NKAIN3: variants seen among roughly 807,000 people sequenced by gnomAD.
The protein encoded by NKAIN3 is sodium/potassium transporting ATPase interacting 3, also known as sodium/potassium-transporting ATPase subunit beta-1-interacting protein 3.
Under a neutral mutation model 30.2 loss-of-function variants are expected in NKAIN3, and 25 were observed. The ratio of observed to expected loss-of-function variants is 0.83; its 90% confidence interval spans 0.60 to 1.16. The LOEUF (loss-of-function observed/expected upper bound fraction) is 1.16. Ranked by LOEUF, NKAIN3 falls within the 50% of genes most tolerant of loss-of-function variation. The pLI is 0.00. For missense variants in NKAIN3, 225 were observed against 254.1 expected (o/e 0.89, Z 0.78); for synonymous variants, 91 against 89.6 (o/e 1.02, Z -0.09).
intron 4 of NKAIN3, among the ~76,000 whole-genome samples, chr8:62,827,298 A>C (rs938426787): frequency 6.6e-6 from 1 of 152,220 alleles, no homozygotes; most frequent in Non-Finnish European, 1.5e-5. Flanking sequence ...ACTGGAAGTA[A>C]GGACTTCCAT....
intron 4 of NKAIN3, among the ~76,000 whole-genome samples, chr8:62,842,342 A>G (rs1819557399): frequency 6.6e-6 from 1 of 152,146 alleles, no homozygotes; most frequent in Admixed American, 6.5e-5. Context: ...ACTATAAAAC[A>G]CTGATGAATG....
At chr8:62,670,702 T>C (rs1490786690) in intron 3 of NKAIN3, among the ~76,000 whole-genome samples, 1 of 152,088 alleles carries the variant, frequency 6.6e-6, no homozygotes, top group Non-Finnish European at 1.5e-5. Context: ...GTTCTTTCCT[T>C]CCTGAGTAAG....
At chr8:62,624,338 G>C (rs1453656406) in intron 3 of NKAIN3, among the ~76,000 whole-genome samples, 1 of 151,792 alleles carries the variant, frequency 6.6e-6, no homozygotes, top group Non-Finnish European at 1.5e-5. Context: ...AGATGGAGTT[G>C]CTGTGGTTCA....
intron 3 of NKAIN3, among the ~76,000 whole-genome samples, chr8:62,736,959 G>C (rs1815693612): frequency 6.6e-6 from 1 of 152,094 alleles, no homozygotes; most frequent in Non-Finnish European, 1.5e-5. Context: ...ATTCTCCCAT[G>C]ATCTGGACCT....
At chr8:62,329,820 T>C (rs1343933012) in intron 1 of NKAIN3, among the ~76,000 whole-genome samples, 1 of 152,104 alleles carries the variant, frequency 6.6e-6, no homozygotes, top group Non-Finnish European at 1.5e-5. Flanking sequence ...TGTGTCTTTA[T>C]GAGAGAATGA....
chr8:62,295,023 A>T (rs1813782066), intron 1 of NKAIN3, among the ~76,000 whole-genome samples: 1 of 152,052 alleles, frequency 6.6e-6, no homozygotes, highest in African/African-American at 2.4e-5. Context: ...GGATACTTGG[A>T]TCATTTTTTC....
At chr8:62,875,203 C>G (rs1260362573) in intron 4 of NKAIN3, among the ~76,000 whole-genome samples, 1 of 152,128 alleles carries the variant, frequency 6.6e-6, no homozygotes, top group Admixed American at 6.6e-5. Flanking sequence ...AGAGCCAAAT[C>G]ATGAGTGAAC....
chr8:62,565,476 A>T (rs1451666411), intron 1 of NKAIN3, among the ~76,000 whole-genome samples: 1 of 151,990 alleles, frequency 6.6e-6, no homozygotes, highest in Non-Finnish European at 1.5e-5. Flanking sequence ...TATTTTCCTG[A>T]TTTTACAGAG....
chr8:62,642,732 T>A (rs1171888825), intron 3 of NKAIN3, among the ~76,000 whole-genome samples: 1 of 152,114 alleles, frequency 6.6e-6, no homozygotes, highest in African/African-American at 2.4e-5. Flanking sequence ...AGTAGGTAGT[T>A]TACTTTGTCC....
chr8:62,687,537 T>A (rs1813837747), intron 3 of NKAIN3, among the ~76,000 whole-genome samples: 2 of 152,274 alleles, frequency 1.3e-5, no homozygotes, highest in Middle Eastern at 3.4e-3. Flanking sequence ...TACTCAGGAT[T>A]TTACCTGAAA....
chr8:62,659,306 A>T (rs775285513), intron 3 of NKAIN3, among the ~76,000 whole-genome samples: 1 of 152,178 alleles, frequency 6.6e-6, no homozygotes, highest in Non-Finnish European at 1.5e-5. Flanking sequence ...GGCTCTAGCA[A>T]TGGGAGGGTA....
chr8:62,269,088 TGTC>T (rs1170894749), intron 1 of NKAIN3, among the ~76,000 whole-genome samples: 1 of 152,230 alleles, frequency 6.6e-6, no homozygotes, highest in African/African-American at 2.4e-5. Flanking sequence ...ACCCTGCTGT[TGTC>T]TTGAGTTTGG....
At chr8:62,532,924 C>T (rs12543792) in intron 1 of NKAIN3, among the ~76,000 whole-genome samples, 1 of 152,160 alleles carries the variant, frequency 6.6e-6, no homozygotes. Context: ...TATTTTGGAC[C>T]TAGTACATAT....
At chr8:62,707,767 T>A (rs974216149) in intron 3 of NKAIN3, among the ~76,000 whole-genome samples, 1 of 152,194 alleles carries the variant, frequency 6.6e-6, no homozygotes, top group Non-Finnish European at 1.5e-5. Flanking sequence ...TTGATGCATT[T>A]GCTTTTGGGT....
At chr8:62,284,791 A>C (rs184998962) in intron 1 of NKAIN3, among the ~76,000 whole-genome samples, 12 of 152,158 alleles carry the variant, frequency 7.9e-5, no homozygotes, top group East Asian at 5.8e-4. Flanking sequence ...GCAAAAAAAA[A>C]CTCTGAAAAC....
chr8:62,708,810 G>A (rs1243420497), intron 3 of NKAIN3, among the ~76,000 whole-genome samples: 1 of 152,172 alleles, frequency 6.6e-6, no homozygotes, highest in Non-Finnish European at 1.5e-5. Context: ...AGTTCCCAGA[G>A]GGAATGCTTT....
chr8:62,563,159 T>G (rs1809641953), intron 1 of NKAIN3, among the ~76,000 whole-genome samples: 1 of 152,184 alleles, frequency 6.6e-6, no homozygotes, highest in African/African-American at 2.4e-5. Context: ...TTTGCTAAAA[T>G]GGCTGCCTTA....
At chr8:62,681,574 A>G (rs1310709582) in intron 3 of NKAIN3, among the ~76,000 whole-genome samples, 1 of 152,150 alleles carries the variant, frequency 6.6e-6, no homozygotes, top group Non-Finnish European at 1.5e-5. Flanking sequence ...TTTTGATTCA[A>G]AGTGATTAAG....
At chr8:62,606,920 C>G (rs572314380) in intron 3 of NKAIN3, among the ~76,000 whole-genome samples, 1 of 152,104 alleles carries the variant, frequency 6.6e-6, no homozygotes, top group Non-Finnish European at 1.5e-5. Context: ...GTAGTTATTT[C>G]CTACATACAA....
Sources: gnomAD v4.1 joint callset for allele counts (sites outside exome capture counted in the v4.1 genomes callset) on GRCh38, gnomAD v4.1.1 for gene constraint, MANE v1.5 for transcripts, NCBI Gene and HGNC (gene_info 2026-07-23, HGNC 2026-07-21) for gene names.